The following LGR5 variants were observed in gnomAD, a reference collection of about 807,000 sequenced individuals.
LGR5 encodes the protein leucine rich repeat containing G protein-coupled receptor 5.
A neutral mutation model predicts 76.7 loss-of-function variants in LGR5; 54 were observed. The ratio of observed to expected loss-of-function variants is 0.70; its 90% CI spans 0.57 to 0.88. LGR5 has a LOEUF of 0.88. Ranked by LOEUF, LGR5 falls within the 40% of genes least tolerant of loss-of-function variation. LGR5 has a pLI of 0.00. For missense variants in LGR5, 1,078 were observed against 1,073.3 expected (o/e 1.00, Z -0.06); for synonymous variants, 406 against 421.9 (o/e 0.96, Z 0.46).
chr12:71,460,102 C>T (rs1007565430), intron 1 of LGR5, among the ~76,000 whole-genome samples: 1 of 152,028 alleles, frequency 6.6e-6, no homozygotes, highest in Non-Finnish European at 1.5e-5. Flanking sequence ...GTTTGCCCTG[C>T]TCTTGAAGAA....
intron 1 of LGR5, among the ~76,000 whole-genome samples, chr12:71,496,946 A>G (rs1204098455): frequency 3.3e-5 from 5 of 152,170 alleles, no homozygotes; most frequent in Non-Finnish European, 4.4e-5. Context: ...GGAAGGGAAC[A>G]TGAGGGGGTT....
intron 2 of LGR5, among the ~76,000 whole-genome samples, chr12:71,522,641 C>A (rs1372945470): frequency 6.6e-6 from 1 of 151,890 alleles, no homozygotes; most frequent in Non-Finnish European, 1.5e-5. Context: ...TTTAGACCAG[C>A]CACTAAATTA....
chr12:71,470,747 G>A (rs1411500427), intron 1 of LGR5, among the ~76,000 whole-genome samples: 1 of 152,104 alleles, frequency 6.6e-6, no homozygotes, highest in Admixed American at 6.5e-5. Flanking sequence ...ACTGCCTCAT[G>A]GACACCTTAC....
chr12:71,550,461 CT>C (rs71068776), intron 4 of LGR5, among the ~76,000 whole-genome samples: 87,986 of 131,996 alleles, frequency 0.67, 31,600 homozygotes, highest in Non-Finnish European at 0.79. Context: ...CTCATACTTT[CT>C]TTTTTTTTTT....
chr12:71,476,975 C>T (rs1294656485), intron 1 of LGR5, among the ~76,000 whole-genome samples: 10 of 152,014 alleles, frequency 6.6e-5, no homozygotes, highest in African/African-American at 2.4e-4. Flanking sequence ...ACTTAAAAAG[C>T]ATAAACCTAC....
At chr12:71,513,175 A>G (rs7971232) in intron 2 of LGR5, among the ~76,000 whole-genome samples, 14,131 of 152,234 alleles carry the variant, frequency 0.093, 704 homozygotes, top group Non-Finnish European at 0.11. Context: ...AGAAAAAAAG[A>G]AAAGGTGTGA....
chr12:71,524,304 A>G, intron 2 of LGR5, 102 bp from the exon 3 acceptor site: 1 of 733,284 alleles, frequency 1.4e-6, no homozygotes, highest in Non-Finnish European at 2.2e-6. Flanking sequence ...TGCTTTTGAT[A>G]TTTGTGGTTT....
intron 15 of LGR5, among the ~76,000 whole-genome samples, chr12:71,580,000 T>C (rs1879023159): frequency 6.6e-6 from 1 of 152,234 alleles, no homozygotes; most frequent in Non-Finnish European, 1.5e-5. Flanking sequence ...AGCAGCCTTT[T>C]TTTTAACCTT....
rs767726197 is a variant in LGR5 at position 71,553,310 on chromosome 12, CT to C, written c.644+23del. On this transcript the variant is annotated intron_variant, in intron 5 of 17. Coordinates refer to ENST00000266674, the MANE Select transcript of LGR5 (RefSeq NM_003667.4). ...TTCTGTAAGTTTTATTGATTTTGCT[CT>C]CTTTTAACAGTTTCTAATGTCACTG... 1.4e-5 allele frequency: 23 copies of C among 1,592,986 alleles called. No individual in the cohort carries two copies. In the African/African-American group the frequency reaches 2.4e-4, roughly 17 times the overall value.
intron 1 of LGR5, among the ~76,000 whole-genome samples, chr12:71,494,406 G>C (rs897352119): frequency 6.6e-6 from 1 of 151,008 alleles, no homozygotes; most frequent in Non-Finnish European, 1.5e-5. Context: ...GTCTTTTAGA[G>C]AGGCAATTTT....
chr12:71,512,181 G>T (rs955196747), intron 2 of LGR5, among the ~76,000 whole-genome samples: 13 of 152,176 alleles, frequency 8.5e-5, no homozygotes, highest in African/African-American at 2.9e-4. Flanking sequence ...AGTAGAGATG[G>T]GGTTTCACCA....
chr12:71,465,238 T>A (rs1253408038), intron 1 of LGR5, among the ~76,000 whole-genome samples: 1 of 152,034 alleles, frequency 6.6e-6, no homozygotes, highest in Non-Finnish European at 1.5e-5. Flanking sequence ...CTAAAACTGG[T>A]CTGAAATGAT....
chr12:71,461,876 T>G (rs1049589749), intron 1 of LGR5, among the ~76,000 whole-genome samples: 2 of 152,094 alleles, frequency 1.3e-5, no homozygotes, highest in Non-Finnish European at 2.9e-5. Context: ...CTGATGACCA[T>G]CCCCTTGTCC....
intron 5 of LGR5, among the ~76,000 whole-genome samples, chr12:71,554,950 T>C (rs1001772535): frequency 6.6e-5 from 10 of 152,188 alleles, no homozygotes; most frequent in Non-Finnish European, 2.9e-5. Context: ...TATTTCTCTC[T>C]TTGCTTCATG....
chr12:71,479,392 C>T (rs1472446075), intron 1 of LGR5, among the ~76,000 whole-genome samples: 2 of 152,186 alleles, frequency 1.3e-5, no homozygotes, highest in Admixed American at 6.6e-5. Context: ...AGCATTTATT[C>T]AGCTGGTCAA....
chr12:71,533,005 C>T (rs1346356232), intron 3 of LGR5, among the ~76,000 whole-genome samples: 1 of 151,964 alleles, frequency 6.6e-6, no homozygotes, highest in Non-Finnish European at 1.5e-5. Context: ...CAGTCCTGGG[C>T]AACAAAGCAA....
At chr12:71,529,039 T>C (rs1876162086) in intron 3 of LGR5, among the ~76,000 whole-genome samples, 1 of 152,230 alleles carries the variant, frequency 6.6e-6, no homozygotes, top group Non-Finnish European at 1.5e-5. Context: ...CTTGGGAGAA[T>C]ATTCATGCTC....
chr12:71,447,909 T>A (rs74782710), intron 1 of LGR5, among the ~76,000 whole-genome samples: 2 of 152,230 alleles, frequency 1.3e-5, no homozygotes, highest in East Asian at 1.9e-4. Context: ...CTGACCTCCC[T>A]CCTCAGCCTG....
At chr12:71,463,044 A>G (rs1592462001) in intron 1 of LGR5, among the ~76,000 whole-genome samples, 1 of 152,344 alleles carries the variant, frequency 6.6e-6, no homozygotes, top group East Asian at 1.9e-4. Context: ...GTATTTTATT[A>G]AAAATTTAGT....
Sources: allele counts gnomAD v4.1 joint callset (sites outside exome capture counted in the v4.1 genomes callset), GRCh38; gene constraint gnomAD v4.1.1; transcripts MANE v1.5; gene names NCBI Gene and HGNC (gene_info 2026-07-23, HGNC 2026-07-21).